The following ELOVL5 variants were observed in gnomAD, a reference collection of about 807,000 sequenced individuals.
ELOVL5 encodes the protein very long chain fatty acid elongase 5.
In ELOVL5, 8 loss-of-function variants were observed where a neutral mutation model predicts 38.6. The ratio of observed to expected loss-of-function variants is 0.21; its 90% CI spans 0.12 to 0.37. The LOEUF (loss-of-function observed/expected upper bound fraction) is 0.37. Ranked by LOEUF, ELOVL5 falls within the 10% of genes least tolerant of loss-of-function variation. The pLI is 1.00. For synonymous variants in ELOVL5, 127 were observed against 133.7 expected, an observed-to-expected ratio of 0.95 and a Z score of 0.34; for missense variants, 280 against 367.8, an observed-to-expected ratio of 0.76 and a Z score of 1.95.
Position 53,345,738 on chromosome 6 carries a change from T to C in ELOVL5, c.-9+3079A>G, listed in dbSNP as rs149164093. ...TTAAACACAAGGTTAGATTTTTAAGTTGTGGAGTAACAGTGTTACATAATG... is the reference window on the plus strand; with the variant it reads ...TTAAACACAAGGTTAGATTTTTAAGCTGTGGAGTAACAGTGTTACATAATG... On this transcript the variant is annotated intron_variant, in intron 1 of 7. Coordinates refer to ENST00000304434, the MANE Select transcript of ELOVL5 (RefSeq NM_021814.5). Among the ~76,000 whole-genome samples, 71 of 95,990 alleles carry C rather than the reference T, an allele frequency of 7.4e-4. 1 individual carries two copies. Among genetic ancestry groups the C allele is most frequent in the Non-Finnish European group, 1.5e-3 (55 of 37,516 alleles). The allele number at this position is 95,990 out of a possible 152,430, so 63.0% of individuals were successfully genotyped here.
chr6:53,279,579 AAAC>A (rs1766279514), intron 3 of ELOVL5, among the ~76,000 whole-genome samples: 1 of 152,244 alleles, frequency 6.6e-6, no homozygotes, highest in African/African-American at 2.4e-5. Context: ...AATATTTGCT[AAAC>A]AAATGACAAA....
chr6:53,319,955 C>T (rs1308472162), intron 1 of ELOVL5, among the ~76,000 whole-genome samples: 1 of 152,144 alleles, frequency 6.6e-6, no homozygotes, highest in Non-Finnish European at 1.5e-5. Flanking sequence ...TGGTTTTAAT[C>T]CTATGTATCT....
At chr6:53,337,801 C>T (rs550996341) in intron 1 of ELOVL5, among the ~76,000 whole-genome samples, 2 of 152,270 alleles carry the variant, frequency 1.3e-5, no homozygotes, top group South Asian at 4.1e-4. Flanking sequence ...AAGGATCTGA[C>T]ATGCTATGGA....
At chr6:53,303,858 G>C (rs578103773) in intron 1 of ELOVL5, among the ~76,000 whole-genome samples, 133 of 152,278 alleles carry the variant, frequency 8.7e-4, no homozygotes, top group African/African-American at 3.0e-3. Flanking sequence ...TCTAACAAGT[G>C]GAGAGTCACA....
chr6:53,312,959 T>C lies in ELOVL5; in HGVS notation c.-8-17252A>G, dbSNP rs76252406. ...ATGCAGGTGTTTCAAATACTCATTT[T>C]CACAGTGGTCTGATGAAGCTTCCCA... is the stretch of plus-strand genomic sequence containing the variant. On this transcript the variant is annotated intron_variant, in intron 1 of 7. Transcript: ENST00000304434. Among the ~76,000 whole-genome samples, 128 of 152,356 alleles carry C rather than the reference T, an allele frequency of 8.4e-4. No individual in the cohort carries two copies. The East Asian group carries it at 0.02, about 24-fold the overall frequency.
intron 1 of ELOVL5, among the ~76,000 whole-genome samples, chr6:53,323,651 C>T (rs1040540): frequency 0.38 from 53,618 of 139,288 alleles, 10,760 homozygotes; most frequent in African/African-American, 0.57. Flanking sequence ...GGCGTGATCT[C>T]GGCTCACCGC....
At chr6:53,344,867 TCCTG>T (rs1173981645) in intron 1 of ELOVL5, among the ~76,000 whole-genome samples, 1 of 152,214 alleles carries the variant, frequency 6.6e-6, no homozygotes, top group East Asian at 1.9e-4. Flanking sequence ...GTCCTCCTAT[TCCTG>T]CCTATCAACT....
At chr6:53,270,541 C>G in intron 7 of ELOVL5, 52 bp downstream of exon 7, 1 of 1,600,334 alleles carries the variant, frequency 6.2e-7, no homozygotes. Context: ...AGATGAGGGC[C>G]TTTGTTGGTA....
At chr6:53,297,921 ATGTTTCGTAAAGAGAATT>A (rs1767079325) in intron 1 of ELOVL5, among the ~76,000 whole-genome samples, 1 of 152,208 alleles carries the variant, frequency 6.6e-6, no homozygotes, top group African/African-American at 2.4e-5. Context: ...GTTTAGCCTT[ATGTTTCGTAAAGAGAATT>A]CCTCTTTAAA....
chr6:53,285,438 G>A (rs892939306), intron 3 of ELOVL5, among the ~76,000 whole-genome samples: 1 of 152,148 alleles, frequency 6.6e-6, no homozygotes, highest in Non-Finnish European at 1.5e-5. Flanking sequence ...TAGCTCATAA[G>A]GTTTAAGGGA....
At chr6:53,313,067 CAT>C (rs1407625787) in intron 1 of ELOVL5, among the ~76,000 whole-genome samples, 1 of 152,164 alleles carries the variant, frequency 6.6e-6, no homozygotes, top group Non-Finnish European at 1.5e-5. Flanking sequence ...TTCGAGGAAT[CAT>C]ACATCTCACA....
rs551485111 is a variant in ELOVL5, at chr6:53,303,510, C to T, written c.-8-7803G>A. Among the ~76,000 whole-genome samples the T allele has an allele frequency of 3.3e-5, 5 of 152,292 alleles. No homozygotes were observed. In the South Asian group the frequency reaches 1.0e-3, roughly 32 times the overall value. ...AACTCTTGTAATTCTCTGATAAAGT[C>T]ATTTTTCCTGCCATATATCATACAC... On this transcript the variant is annotated intron_variant, in intron 1 of 7. Transcript: ENST00000304434.
chr6:53,347,344 A>T (rs1769591889), intron 1 of ELOVL5, among the ~76,000 whole-genome samples: 1 of 152,226 alleles, frequency 6.6e-6, no homozygotes, highest in African/African-American at 2.4e-5. Context: ...GGAGAATCCC[A>T]GGCAGTGTCT....
At chr6:53,288,052 C>G (rs1380396567) in intron 3 of ELOVL5, 2 of 921,092 alleles carry the variant, frequency 2.2e-6, no homozygotes, top group African/African-American at 3.3e-5. Flanking sequence ...GAGCATCTGC[C>G]TAAGAGGGAA....
chr6:53,334,242 C>A (rs1473095723), intron 1 of ELOVL5, among the ~76,000 whole-genome samples: 1 of 152,060 alleles, frequency 6.6e-6, no homozygotes. Context: ...CTGTTTGGGG[C>A]TTCAGCCTCC....
chr6:53,312,522 A>T (rs1399719845), intron 1 of ELOVL5, among the ~76,000 whole-genome samples: 1 of 152,234 alleles, frequency 6.6e-6, no homozygotes, highest in Non-Finnish European at 1.5e-5. Flanking sequence ...AAGGGTGTGA[A>T]GGCAGGATGG....
At chr6:53,301,405 A>G (rs1176407206) in intron 1 of ELOVL5, among the ~76,000 whole-genome samples, 1 of 152,206 alleles carries the variant, frequency 6.6e-6, no homozygotes, top group Non-Finnish European at 1.5e-5. Flanking sequence ...TACATGCAGC[A>G]AAAGAATAAG....
chr6:53,332,911 G>A (rs1343324455), intron 1 of ELOVL5, among the ~76,000 whole-genome samples: 2 of 152,218 alleles, frequency 1.3e-5, no homozygotes, highest in African/African-American at 4.8e-5. Context: ...TGTGCCCCCA[G>A]CATCAGTGGC....
chr6:53,294,158 G>T, intron 2 of ELOVL5: 7 of 1,410,880 alleles, frequency 5.0e-6, no homozygotes, highest in South Asian at 1.7e-5. Flanking sequence ...TTCCAAATTG[G>T]CACATATTCA....
Sources: gnomAD v4.1 joint callset for allele counts (sites outside exome capture counted in the v4.1 genomes callset) on GRCh38, gnomAD v4.1.1 for gene constraint, MANE v1.5 for transcripts, NCBI Gene and HGNC (gene_info 2026-07-23, HGNC 2026-07-21) for gene names.